CFAP47: variants seen among roughly 807,000 people sequenced by gnomAD.
CFAP47 encodes the protein cilia and flagella associated protein 47.
Under a neutral mutation model 148.1 loss-of-function variants are expected in CFAP47, and 29 were observed. That is an observed-to-expected ratio of 0.20 (90% CI 0.15 to 0.27). The LOEUF (loss-of-function observed/expected upper bound fraction) is 0.27, where lower values mean the gene tolerates loss of function less well. CFAP47 is among the 10% of genes least tolerant of loss of function. CFAP47 has a pLI of 1.00. For missense variants in CFAP47, 1,872 were observed against 1,697.5 expected, an observed-to-expected ratio of 1.10 and a Z score of -1.81; for synonymous variants, 664 against 577.3, an observed-to-expected ratio of 1.15 and a Z score of -2.15.
chrX:36,194,106 T>A (rs1555986910), intron 42 of CFAP47, among the ~76,000 whole-genome samples: 2 of 111,967 alleles, frequency 1.8e-5, no homozygotes, highest in African/African-American at 6.5e-5. Context: ...TATCACATTT[T>A]AAAAAGTTTG....
At chrX:36,243,999 T>A (rs1940583464) in intron 48 of CFAP47, among the ~76,000 whole-genome samples, 1 of 110,517 alleles carries the variant, frequency 9.0e-6, no homozygotes, top group Non-Finnish European at 1.9e-5. Context: ...CAAGACTCAA[T>A]ACGTTAAAAA....
chrX:36,337,766 C>T (rs1227433917), intron 57 of CFAP47, among the ~76,000 whole-genome samples: 1 of 109,671 alleles, frequency 9.1e-6, no homozygotes, highest in African/African-American at 3.3e-5. Flanking sequence ...ACTCTGTGCT[C>T]ATATTGGCCA....
At chrX:36,010,562 A>G (rs1443017401) in intron 21 of CFAP47, among the ~76,000 whole-genome samples, 1 of 107,206 alleles carries the variant, frequency 9.3e-6, no homozygotes, top group Admixed American at 1.0e-4. Context: ...GGTTCACACC[A>G]TTCTGCCACC....
In CFAP47 at chrX:36,035,945, A is replaced by G. The variant is rs1601941603; in HGVS notation, c.3811+91A>G. ...TATTATGTATACAGAAATTTAGATT[A>G]TTTGTTATTTCTTTTAATTTGAATA... On this transcript the variant is annotated intron_variant, in intron 24 of 63. Coordinates refer to ENST00000378653, the MANE Select transcript of CFAP47 (RefSeq NM_001304548.2). The G allele has an allele frequency of 1.5e-5, 4 of 272,364 alleles. No individual in the cohort carries two copies. In the East Asian group the frequency reaches 2.1e-4, roughly 14 times the overall value. The allele number at this position is 272,364 out of a possible 1,213,427, so 22.4% of individuals were successfully genotyped here.
At chrX:36,187,962 A>G (rs1939825395) in intron 40 of CFAP47, among the ~76,000 whole-genome samples, 1 of 111,900 alleles carries the variant, frequency 8.9e-6, no homozygotes, top group Non-Finnish European at 1.9e-5. Context: ...TCACGTAATC[A>G]ATATCTCTAA....
chrX:36,337,489 T>C (rs1419492375), intron 57 of CFAP47, among the ~76,000 whole-genome samples: 2 of 111,375 alleles, frequency 1.8e-5, no homozygotes, highest in Admixed American at 9.5e-5. Flanking sequence ...GTAAAATGTG[T>C]GTGAGTGATG....
intron 43 of CFAP47, among the ~76,000 whole-genome samples, chrX:36,200,726 T>C (rs1479259555): frequency 8.9e-6 from 1 of 111,886 alleles, no homozygotes; most frequent in African/African-American, 3.2e-5. Context: ...AAGCTAAATA[T>C]TGGAATTTGG....
At chrX:36,143,869 A>C (rs892236457) in intron 35 of CFAP47, among the ~76,000 whole-genome samples, 4 of 111,233 alleles carry the variant, frequency 3.6e-5, no homozygotes, top group Admixed American at 9.6e-5. Flanking sequence ...CCCCTACCTG[A>C]TCTGCCTGAA....
intron 47 of CFAP47, 31 bp from the exon 48 acceptor site, chrX:36,236,655 A>G (rs782306552): frequency 8.9e-5 from 46 of 517,805 alleles, no homozygotes; most frequent in Middle Eastern, 6.3e-4. Context: ...TATGACTCCT[A>G]TAGACCTGAA....
intron 22 of CFAP47, among the ~76,000 whole-genome samples, chrX:36,018,196 G>T (rs1294142961): frequency 9.0e-6 from 1 of 111,594 alleles, no homozygotes; most frequent in Non-Finnish European, 1.9e-5. Context: ...AAATCTACTG[G>T]TTTTTCTGTC....
chrX:36,331,721 T>A (rs1389314279), intron 57 of CFAP47, among the ~76,000 whole-genome samples: 1 of 111,576 alleles, frequency 9.0e-6, no homozygotes, highest in Non-Finnish European at 1.9e-5. Flanking sequence ...GCCATCAAGA[T>A]GTATCACATT....
intron 39 of CFAP47, among the ~76,000 whole-genome samples, chrX:36,172,575 G>A (rs1285618380): frequency 9.1e-6 from 1 of 110,319 alleles, no homozygotes; most frequent in Non-Finnish European, 1.9e-5. Context: ...TTTTGTCTTT[G>A]GTTCTGTTTA....
At chrX:36,371,967 T>C (rs200302757) in intron 62 of CFAP47, among the ~76,000 whole-genome samples, 1 of 100,768 alleles carries the variant, frequency 9.9e-6, no homozygotes, top group Non-Finnish European at 2.0e-5. Context: ...TATACACACA[T>C]GTGTATATGT....
intron 8 of CFAP47, among the ~76,000 whole-genome samples, chrX:35,957,780 G>A (rs1936268161): frequency 8.9e-6 from 1 of 112,177 alleles, no homozygotes; most frequent in Non-Finnish European, 1.9e-5. Flanking sequence ...AAATGCGAAT[G>A]TAAGAAGTAT....
chrX:36,001,062 CAGA>C (rs1205864237), intron 20 of CFAP47, among the ~76,000 whole-genome samples: 1 of 111,903 alleles, frequency 8.9e-6, no homozygotes, highest in African/African-American at 3.2e-5. Context: ...TGGATTCTTA[CAGA>C]AGGTTTCCTA....
chrX:36,339,197 C>A (rs1370652541), intron 57 of CFAP47, among the ~76,000 whole-genome samples: 1 of 110,716 alleles, frequency 9.0e-6, no homozygotes, highest in Admixed American at 9.6e-5. Context: ...ATAACAAAAC[C>A]TTGGTGTGTA....
Position 36,085,471 on chromosome X carries a change from G to A in CFAP47, c.4849G>A (p.Val1617Ile). The A allele has an allele frequency of 8.3e-7, 1 of 1,207,381 alleles. No homozygotes were observed. The change falls in exon 30 of 64, where the codon GTA becomes ATA. Residue 1617 changes from valine to isoleucine, a missense_variant. Coordinates refer to ENST00000378653, the MANE Select transcript of CFAP47 (RefSeq NM_001304548.2). ...AATTAATTCAAGTCAATCTTTACCT[G>A]TAGATAACCATGAAAAAAGGGTAAT... ...PGINSSQSLP[V>I]DNHEKRVIQL... is the part of the protein sequence containing the mutation.
In CFAP47 at chrX:36,197,822, C is replaced by CTTAA. The variant is rs781964554; in HGVS notation, c.6322-2551_6322-2548dup. ...GCATGAACTATAGATAACTGTGGGT[C>CTTAA]TTAATTAATAAAATTTTAGGGAACA... is the stretch of plus-strand genomic sequence containing the variant. On this transcript the variant is annotated intron_variant, in intron 42 of 63. Coordinates refer to ENST00000378653, the MANE Select transcript of CFAP47 (RefSeq NM_001304548.2). Among the ~76,000 whole-genome samples the CTTAA allele has an allele frequency of 1.6e-3, 176 of 111,226 alleles. 1 individual carries two copies. The highest frequency in any genetic ancestry group is 5.6e-3 in the African/African-American group (172 of 30,695).
At chrX:36,039,746 C>T (rs1037871353) in intron 25 of CFAP47, among the ~76,000 whole-genome samples, 2 of 111,760 alleles carry the variant, frequency 1.8e-5, no homozygotes, top group Non-Finnish European at 3.8e-5. Context: ...AGTCCACCCT[C>T]AAGTCCTAGC....
Sources: gnomAD v4.1 joint callset for allele counts (sites outside exome capture counted in the v4.1 genomes callset) on GRCh38, gnomAD v4.1.1 for gene constraint, MANE v1.5 for transcripts, NCBI Gene and HGNC (gene_info 2026-07-23, HGNC 2026-07-21) for gene names.